UNC79: variants seen among roughly 807,000 people sequenced by gnomAD.
UNC79 encodes protein unc-79 homolog.
In UNC79, 37 loss-of-function variants were observed where a neutral mutation model predicts 283.1. That is an observed-to-expected ratio of 0.13 (90% CI 0.10 to 0.17). The LOEUF (loss-of-function observed/expected upper bound fraction) is 0.17. Among genes scored for constraint, UNC79 ranks in the 10% least tolerant of loss-of-function variants. The pLI, the probability that UNC79 is intolerant of heterozygous loss-of-function variation, is 1.00. For missense variants in UNC79, 2,272 were observed against 3,211.1 expected (o/e 0.71, Z 7.07); for synonymous variants, 1,107 against 1,200.2 (o/e 0.92, Z 1.61).
At chr14:93,385,153 T>G (rs2054743784) in intron 1 of UNC79, among the ~76,000 whole-genome samples, 1 of 152,190 alleles carries the variant, frequency 6.6e-6, no homozygotes, top group South Asian at 2.1e-4. Context: ...GCTTTGGCTA[T>G]TCTTTTATGG....
At chr14:93,521,406 C>G (rs913489414) in intron 7 of UNC79, among the ~76,000 whole-genome samples, 1 of 151,954 alleles carries the variant, frequency 6.6e-6, no homozygotes, top group Admixed American at 6.6e-5. Flanking sequence ...TTGCCTAGTT[C>G]CCTCTTCCTT....
intron 25 of UNC79, among the ~76,000 whole-genome samples, chr14:93,602,950 G>C (rs890244835): frequency 5.3e-5 from 8 of 152,120 alleles, no homozygotes; most frequent in Non-Finnish European, 1.2e-4. Context: ...CTCTTGCTTA[G>C]TTATTAATCA....
intron 1 of UNC79, among the ~76,000 whole-genome samples, chr14:93,351,994 C>T (rs1017994917): frequency 2.6e-5 from 4 of 152,184 alleles, no homozygotes; most frequent in African/African-American, 9.7e-5. Flanking sequence ...TGACCAGATA[C>T]CTGGGAACTG....
chr14:93,669,784 G>A (rs950229222), intron 40 of UNC79, among the ~76,000 whole-genome samples: 2 of 152,156 alleles, frequency 1.3e-5, no homozygotes, highest in African/African-American at 4.8e-5. Flanking sequence ...AGGCGGTCAA[G>A]GCTGCAGTGA....
intron 4 of UNC79, 31 bp from the exon 5 acceptor site, chr14:93,487,632 T>C (rs770634471): frequency 1.3e-6 from 2 of 1,586,142 alleles, no homozygotes; most frequent in South Asian, 2.2e-5. Context: ...AGAGATTAAA[T>C]TGTGTCTAAT....
chr14:93,448,459 A>G (rs1356352352), intron 1 of UNC79, among the ~76,000 whole-genome samples: 2 of 152,190 alleles, frequency 1.3e-5, no homozygotes, highest in Admixed American at 6.5e-5. Flanking sequence ...TAGTTTTAGC[A>G]ATTCATTAAA....
At chr14:93,644,778 CATT>C (rs1296287382) in intron 34 of UNC79, among the ~76,000 whole-genome samples, 1 of 152,120 alleles carries the variant, frequency 6.6e-6, no homozygotes, top group Non-Finnish European at 1.5e-5. Context: ...AATAGGAAAG[CATT>C]ATAAACTCCT....
chr14:93,706,774 C>T lies in UNC79; in HGVS notation c.7661C>T (p.Thr2554Met), dbSNP rs200856647. ...CACGTGAACCACCACAGCCTAAGGA[C>T]GCTGCCGGGCTCGGGCCAGAGCAGT... is the stretch of plus-strand genomic sequence containing the variant. Residue 2554 changes from threonine (T) to methionine (M), a missense_variant, in exon 49 of 49, where the codon ACG becomes ATG. This residue lies in a region of UNC79 where 225 missense variants were observed against 334.2 expected (regional missense o/e 0.67). Transcript: ENST00000555664. 7.7e-5 allele frequency: 125 copies of T among 1,614,248 alleles called. No homozygotes were observed. The Admixed American group carries it at 1.6e-3, about 21-fold the overall frequency.
chr14:93,586,497 A>C (rs2064232919), intron 20 of UNC79, 99 bp from the exon 21 acceptor site: 2 of 1,114,614 alleles, frequency 1.8e-6, no homozygotes, highest in East Asian at 2.5e-5. Context: ...CATATATGTC[A>C]ATTTTTTACT....
intron 26 of UNC79, among the ~76,000 whole-genome samples, chr14:93,607,422 G>A (rs1425774304): frequency 1.3e-5 from 2 of 152,182 alleles, no homozygotes; most frequent in Non-Finnish European, 2.9e-5. Flanking sequence ...GATTGCTTAA[G>A]GTCACATATG....
intron 43 of UNC79, among the ~76,000 whole-genome samples, chr14:93,687,953 A>T (rs1035441740): frequency 3.9e-5 from 6 of 152,172 alleles, no homozygotes; most frequent in African/African-American, 1.4e-4. Context: ...TCAAGTGGCA[A>T]GTGGCTTATC....
chr14:93,516,781 T>A (rs1289651579), intron 7 of UNC79, among the ~76,000 whole-genome samples: 19 of 152,040 alleles, frequency 1.2e-4, no homozygotes, highest in Admixed American at 1.2e-3. Context: ...TTACATTGAC[T>A]ATATAGTTTA....
At chr14:93,558,380 C>A (rs998561703) in intron 14 of UNC79, among the ~76,000 whole-genome samples, 1 of 152,054 alleles carries the variant, frequency 6.6e-6, no homozygotes, top group Non-Finnish European at 1.5e-5. Context: ...CACGGTGAAA[C>A]CCCGTCTCTA....
chr14:93,383,586 C>T (rs1316121480), intron 1 of UNC79, among the ~76,000 whole-genome samples: 5 of 152,150 alleles, frequency 3.3e-5, no homozygotes, highest in Non-Finnish European at 7.3e-5. Context: ...TATGAATGAT[C>T]ATATGAACCT....
chr14:93,580,113 TG>T, intron 18 of UNC79, 35 bp from the exon 19 acceptor site: 1 of 1,522,880 alleles, frequency 6.6e-7, no homozygotes, highest in Non-Finnish European at 8.9e-7. Flanking sequence ...TTTTTTTGTG[TG>T]TGTGTGCGTG....
chr14:93,601,452 G>C (rs1410328312), intron 25 of UNC79, among the ~76,000 whole-genome samples: 2 of 152,194 alleles, frequency 1.3e-5, no homozygotes, highest in Non-Finnish European at 2.9e-5. Flanking sequence ...AAATGGCCAA[G>C]TAGTATTCCA....
chr14:93,334,434 A>C (rs528355013), intron 1 of UNC79: 2 of 152,372 alleles, frequency 1.3e-5, no homozygotes, highest in Non-Finnish European at 2.9e-5. Flanking sequence ...TCAGTTGAAC[A>C]TACAGCCTCA....
rs1236514018 is a variant in UNC79, at chr14:93,617,283, C to T, written c.4203C>T (p.Ala1401=). 6.2e-7 allele frequency: 1 copy of T among 1,614,110 alleles called. No homozygotes were observed. Among genetic ancestry groups the T allele is most frequent in the Non-Finnish European group, 8.5e-7 (1 of 1,179,970 alleles). Residue 1401 remains alanine, a synonymous_variant, in exon 28 of 49, where the codon GCC becomes GCT. Coordinates refer to ENST00000555664, the Ensembl canonical transcript of UNC79. The surrounding 1 kb of genome is among the most constrained non-coding windows in gnomAD (Gnocchi z 4.5). ...ACATCCGGCAGATGTGGTTGAAGGCCTTGCTTGTCATCCTTTACAAGGTGA... is the reference window on the plus strand; with the variant it reads ...ACATCCGGCAGATGTGGTTGAAGGCTTTGCTTGTCATCCTTTACAAGGTGA...
intron 33 of UNC79, 84 bp from the exon 37 acceptor site, chr14:93,643,473 A>G: frequency 6.2e-7 from 1 of 1,604,438 alleles, no homozygotes; most frequent in South Asian, 1.1e-5. Flanking sequence ...AAGACCTACT[A>G]AAAACAGCCG....
Sources: gnomAD v4.1 joint callset for allele counts (sites outside exome capture counted in the v4.1 genomes callset) on GRCh38, gnomAD v4.1.1 for gene constraint, gnomAD v4.1.1 regional missense constraint, Gnocchi (gnomAD v3.1) non-coding constraint, MANE v1.5 for transcripts, NCBI Gene and HGNC (gene_info 2026-07-23, HGNC 2026-07-21) for gene names.